Variants in HUWE1 observed in about 807,000 individuals in gnomAD.
HUWE1 encodes the protein HECT, UBA and WWE domain containing E3 ubiquitin protein ligase 1, also known as E3 ubiquitin-protein ligase HUWE1.
Under a neutral mutation model 299.4 loss-of-function variants are expected in HUWE1, and 18 were observed. The observed-to-expected ratio is 0.06, with a 90% CI of 0.04 to 0.09. HUWE1 has a LOEUF of 0.09. Ranked by LOEUF, HUWE1 falls within the 10% of genes least tolerant of loss-of-function variation. HUWE1 has a pLI of 1.00. For missense variants in HUWE1, 1,832 were observed against 3,462.3 expected (o/e 0.53, Z 11.82); for synonymous variants, 1,317 against 1,286.1 (o/e 1.02, Z -0.51).
At chrX:53,660,989 T>C in intron 3 of HUWE1, among the ~76,000 whole-genome samples, 1 of 110,347 alleles carries the variant, frequency 9.1e-6, no homozygotes, top group Non-Finnish European at 1.9e-5. Flanking sequence ...AAGATCTAAA[T>C]CCAGGTCTGA....
intron 2 of HUWE1, among the ~76,000 whole-genome samples, chrX:53,681,790 G>A (rs2070169055): frequency 8.9e-6 from 1 of 112,396 alleles, no homozygotes; most frequent in Non-Finnish European, 1.9e-5. Flanking sequence ...TGAATGACAG[G>A]ACAGACTGCC....
At chrX:53,542,845 TTGTGTGTG>T (rs57187405) in intron 73 of HUWE1, 3,531 of 163,365 alleles carry the variant, frequency 0.022, 47 homozygotes, top group African/African-American at 0.036. Flanking sequence ...TCTTCTTCTG[TTGTGTGTG>T]TGTGTGTGTG....
At chrX:53,662,618 T>A (rs1557046005) in intron 3 of HUWE1, among the ~76,000 whole-genome samples, 1 of 112,278 alleles carries the variant, frequency 8.9e-6, no homozygotes, top group Non-Finnish European at 1.9e-5. Context: ...CCTAGCACGG[T>A]ATCTTCCACA....
intron 47 of HUWE1, among the ~76,000 whole-genome samples, chrX:53,572,534 CA>C (rs2062882485): frequency 8.9e-6 from 1 of 111,864 alleles, no homozygotes; most frequent in South Asian, 3.7e-4. Context: ...CATAAAATTA[CA>C]ATGTGATCCA....
In HUWE1 at chrX:53,602,582, G is replaced by T; in HGVS notation, c.2953C>A (p.Gln985Lys). The T allele has an allele frequency of 1.7e-6, 2 of 1,177,854 alleles. No individual in the cohort carries two copies. The highest frequency in any genetic ancestry group is 3.0e-5 in the East Asian group (1 of 33,668). ...GAGTTACCTGATCTTTTTCCGCCCT[G>T]GGTCGTACCTGCCTTCTCATCCTTT... ...VPKDEKAGTT[Q>K]GGKRSDGEQD... The change falls in exon 28 of 84, where the codon CAG becomes AAG. Residue 985 changes from glutamine to lysine, a missense_variant. This residue lies in a region of HUWE1 where 658 missense variants were observed against 1,282.6 expected (regional missense o/e 0.51). Coordinates refer to ENST00000262854, the MANE Select transcript of HUWE1 (RefSeq NM_031407.7).
intron 3 of HUWE1, among the ~76,000 whole-genome samples, chrX:53,668,441 CAAA>C (rs782645523): frequency 5.0e-5 from 2 of 40,350 alleles, no homozygotes; most frequent in Non-Finnish European, 4.8e-5. Context: ...GACTCCATCT[CAAA>C]AAAAAAAAAA....
intron 80 of HUWE1, among the ~76,000 whole-genome samples, chrX:53,535,741 T>TA (rs1348840672): frequency 9.0e-6 from 1 of 110,666 alleles, no homozygotes; most frequent in African/African-American, 3.3e-5. Context: ...CAGAAGAGAG[T>TA]AAGGCAACTA....
chrX:53,596,394 G>T (rs187827852), intron 29 of HUWE1, among the ~76,000 whole-genome samples: 51 of 111,920 alleles, frequency 4.6e-4, no homozygotes, highest in African/African-American at 1.6e-3. Context: ...GTAGATACTA[G>T]TCTATTTTAT....
At chrX:53,554,488 G>C (rs1324550449) in intron 61 of HUWE1, 145 bp downstream of exon 61, 1 of 571,266 alleles carries the variant, frequency 1.8e-6, no homozygotes, top group Non-Finnish European at 2.8e-6. Flanking sequence ...CTTCACTTAA[G>C]AAAGTGAATG....
At position 53,547,926 on chromosome X, in the gene HUWE1, T is replaced by C; in HGVS notation, c.10383A>G (p.Ser3461=). 8.3e-7 allele frequency: 1 copy of C among 1,210,218 alleles called. No individual in the cohort carries two copies. Among genetic ancestry groups the C allele is most frequent in the Admixed American group, 2.2e-5 (1 of 45,910 alleles). The change falls in exon 68 of 84, where the codon TCA becomes TCG. Residue 3461 remains serine, a synonymous_variant. Coordinates refer to ENST00000262854, the MANE Select transcript of HUWE1 (RefSeq NM_031407.7). ...ACACCTTGTTTTCTGGGAGAGCAAT[T>C]GAGATGAGAGAAAGGAGTCTGAGGA... ...EKLLRLLSLI[S]IALPENKVSE...
chrX:53,556,243 G>GA (rs1556934591), intron 60 of HUWE1: 1 of 345,626 alleles, frequency 2.9e-6, no homozygotes, highest in East Asian at 9.1e-5. Flanking sequence ...ACACACCAGG[G>GA]AAAGTAGTAA....
chrX:53,598,758 C>T (rs897027976), intron 29 of HUWE1, among the ~76,000 whole-genome samples: 5 of 111,255 alleles, frequency 4.5e-5, no homozygotes, highest in Non-Finnish European at 9.4e-5. Flanking sequence ...GAGGAGTTGC[C>T]TCAACCCCCA....
intron 3 of HUWE1, among the ~76,000 whole-genome samples, chrX:53,655,926 T>C (rs1249646247): frequency 1.8e-5 from 2 of 111,257 alleles, no homozygotes; most frequent in Non-Finnish European, 3.8e-5. Flanking sequence ...GGCACACAGA[T>C]AAGAAAAGAA....
chrX:53,559,998 T>TTCCCCAAAAGGCTGCAC (rs1221837314), intron 56 of HUWE1, among the ~76,000 whole-genome samples, 190 bp downstream of exon 56: 1 of 112,279 alleles, frequency 8.9e-6, no homozygotes, highest in Non-Finnish European at 1.9e-5. Flanking sequence ...TAATTTGGTA[T>TTCCCCAAAAGGCTGCAC]TCCCCAAAAG....
chrX:53,552,340 G>A lies in HUWE1; in HGVS notation c.8852C>T (p.Thr2951Ile). ...AAGGGGATCTTCTTCTTCACTGCTT[G>A]TTGAAGGCAACGGCTCTTCTAGGAT... The part of the protein sequence containing the change: ...RGILEEPLPS[T>I]SSEEEDPLAG... The change falls in exon 63 of 84, where the codon ACA (threonine) becomes ATA (isoleucine). Residue 2951 changes from threonine to isoleucine, a missense_variant. Physicochemically the swap from Thr to Ile is moderately conservative, Grantham distance 89 (BLOSUM62 -1). Transcript: ENST00000262854. 1 of 1,211,326 alleles carries A rather than the reference G, an allele frequency of 8.3e-7. No individual in the cohort carries two copies. Among genetic ancestry groups the A allele is most frequent in the Non-Finnish European group, 1.1e-6 (1 of 895,142 alleles).
rs782421712 is a variant in HUWE1 at position 53,557,376 on chromosome X, A to G, written c.8206+6T>C. ...AGTAAGAAGGGAGAAAGGGAAGGAG[A>G]GTTACCTGAGAGATTCTGTTCAGTG... On this transcript the variant is annotated splice_donor_region_variant and intron_variant, in intron 60 of 83. Transcript: ENST00000262854. The G allele has an allele frequency of 4.2e-6, 5 of 1,200,261 alleles. No homozygotes were observed. The Admixed American group carries it at 6.6e-5, about 16-fold the overall frequency.
intron 36 of HUWE1, 138 bp downstream of exon 36, chrX:53,589,409 C>T (rs1427669201): frequency 6.2e-5 from 38 of 609,063 alleles, no homozygotes; most frequent in Non-Finnish European, 1.7e-5. Flanking sequence ...TCAGGATTAC[C>T]AGATCGAAAG....
rs2070347990 is a variant in HUWE1, at chrX:53,684,144, A to G, written c.-163+2126T>C. 1.6e-5 allele frequency: 4 copies of G among 246,107 alleles called. No homozygotes were observed. In the East Asian group the frequency reaches 1.8e-4, roughly 11 times the overall value. The allele number at this position is 246,107 out of a possible 1,213,427, so 20.3% of individuals were successfully genotyped here. A position where few individuals can be genotyped will look rare whatever the true frequency, so the allele number is the denominator to read the frequency against. On this transcript the variant is annotated intron_variant, in intron 2 of 83. Coordinates refer to ENST00000262854, the MANE Select transcript of HUWE1 (RefSeq NM_031407.7). ...GCGAAGCGAAAAGCAAATGACGCAC[A>G]ACCTAACGAAGCAGTGAGGGGCGGA...
Position 53,552,435 on chromosome X carries a change from T to A in HUWE1, c.8757A>T (p.Pro2919=). 2 of 1,210,653 alleles carry A rather than the reference T, an allele frequency of 1.7e-6. No individual in the cohort carries two copies. The highest frequency in any genetic ancestry group is 2.2e-6 in the Non-Finnish European group (2 of 894,896). ...ESAQPPEDSS[P]PASSESSSTR... ...TGGAAGAGCTCTCAGAGGATGCAGG[T>A]GGGGAGCTGAGGGAAATCATGCTCA... The change falls in exon 63 of 84, where the codon CCA becomes CCT. Residue 2919 remains proline, a synonymous_variant. Transcript: ENST00000262854.
Sources: allele counts gnomAD v4.1 joint callset (sites outside exome capture counted in the v4.1 genomes callset), GRCh38; gene constraint gnomAD v4.1.1; regional missense constraint gnomAD v4.1.1; transcripts MANE v1.5; gene names NCBI Gene and HGNC (gene_info 2026-07-23, HGNC 2026-07-21).